Variants in UGT2B11 observed in about 807,000 individuals in gnomAD.
The protein encoded by UGT2B11 is UDP-glucuronosyltransferase 2B11.
A neutral mutation model predicts 51.7 loss-of-function variants in UGT2B11; 49 were observed. The observed-to-expected ratio is 0.95, with a 90% confidence interval of 0.75 to 1.20. The LOEUF (loss-of-function observed/expected upper bound fraction) is 1.20, where lower values mean the gene tolerates loss of function less well. Among genes scored for constraint, UGT2B11 ranks in the 50% most tolerant of loss-of-function variants. The probability of loss-of-function intolerance (pLI) is 0.00; values close to 1 mark genes in which losing one functional copy is unlikely to be tolerated. For synonymous variants in UGT2B11, 273 were observed against 209.0 expected (o/e 1.31, Z -2.64); for missense variants, 810 against 622.1 (o/e 1.30, Z -3.21).
In UGT2B11 at chr4:69,214,607, A is replaced by G. The variant is rs1481348330; in HGVS notation, c.116T>C (p.Met39Thr). The G allele has an allele frequency of 2.5e-6, 4 of 1,613,292 alleles. No homozygotes were observed. The highest frequency in any genetic ancestry group is 3.4e-6 in the Non-Finnish European group (4 of 1,179,436). Residue 39 changes from methionine to threonine, a missense_variant, in exon 1 of 6, where the codon ATG becomes ACG. By Grantham distance (81) the Met-to-Thr change is moderately conservative (BLOSUM62 -1). Coordinates refer to ENST00000446444, the MANE Select transcript of UGT2B11 (RefSeq NM_001073.3). ...WAAEYSHWMNMKTILKELVQR... is the reference protein window; with the variant it reads ...WAAEYSHWMNTKTILKELVQR... Reference sequence around the variant, plus strand: ...AACAAGCTCTTTCAGGATTGTCTTCATATTCATCCAATGGCTGTATTCTGC... The same window carrying G: ...AACAAGCTCTTTCAGGATTGTCTTCGTATTCATCCAATGGCTGTATTCTGC...
At position 69,203,546 on chromosome 4, in the gene UGT2B11, C is replaced by T. The variant is rs201338622; in HGVS notation, c.1310+884G>A. Among the ~76,000 whole-genome samples, 15 of 151,726 alleles carry T rather than the reference C, an allele frequency of 9.9e-5. No individual in the cohort carries two copies. In the East Asian group the frequency reaches 2.9e-3, roughly 30 times the overall value. On this transcript the variant is annotated intron_variant, in intron 5 of 5. Coordinates refer to ENST00000446444, the MANE Select transcript of UGT2B11 (RefSeq NM_001073.3). ...CATATTTATGCAAAAACAAGTATAG[C>T]AATATTCCTAGTAGCCACAATTGGA...
upstream of UGT2B11, chr4:69,216,400 G>A (rs944630017): frequency 2.0e-5 from 3 of 151,954 alleles, no homozygotes; most frequent in Non-Finnish European, 4.4e-5. Flanking sequence ...TTCCTTCTGA[G>A]TAAAAGATGT....
chr4:69,204,455 G>A lies in UGT2B11; in HGVS notation c.1285C>T (p.Leu429=), dbSNP rs1450330698. 6 of 1,611,792 alleles carry A rather than the reference G, an allele frequency of 3.7e-6. No individual in the cohort carries two copies. The highest frequency in any genetic ancestry group is 4.2e-6 in the Non-Finnish European group (5 of 1,178,618). Reference sequence around the variant, plus strand: ...AAAGGATCATTAATTACTGTCTTCAGTGCATTCAGCAGGTCTGTACTCGAC... The same window carrying A: ...AAAGGATCATTAATTACTGTCTTCAATGCATTCAGCAGGTCTGTACTCGAC... ...TMSSTDLLNA[L]KTVINDPLYK... Residue 429 remains leucine (L), a synonymous_variant, in exon 5 of 6, where the codon CTG becomes TTG. Transcript: ENST00000446444.
At chr4:69,210,753 A>T (rs967389458) in intron 2 of UGT2B11, among the ~76,000 whole-genome samples, 3 of 151,588 alleles carry the variant, frequency 2.0e-5, no homozygotes, top group Non-Finnish European at 3.0e-5. Flanking sequence ...TAAAGCCCAT[A>T]CAATTTGCAT....
In UGT2B11 at chr4:69,204,537, A is replaced by G. The variant is rs150725238; in HGVS notation, c.1203T>C (p.Asp401=). ...VGIPLFFDQP[D]NIAHMKAKGA... is the part of the protein sequence containing the mutation. ...CCTTGGCCTTCATGTGAGCAATGTT[A>G]TCAGGTTGATCAAAAAACAATGGAA... Residue 401 remains aspartate (D), a synonymous_variant, in exon 5 of 6, where the codon GAT becomes GAC. Transcript: ENST00000446444. The G allele has an allele frequency of 2.9e-5, 46 of 1,612,266 alleles. No homozygotes were observed. In the African/African-American group the frequency reaches 5.3e-4, roughly 19 times the overall value.
Position 69,212,827 on chromosome 4 carries a change from A to G in UGT2B11, c.722-106T>C, listed in dbSNP as rs557201553. The G allele has an allele frequency of 1.3e-5, 15 of 1,197,166 alleles. No homozygotes were observed. In the South Asian group the frequency reaches 1.3e-4, roughly 10 times the overall value. The allele number at this position is 1,197,166 out of a possible 1,614,324, so 74.2% of individuals were successfully genotyped here. On this transcript the variant is annotated intron_variant, in intron 1 of 5. Coordinates refer to ENST00000446444, the MANE Select transcript of UGT2B11 (RefSeq NM_001073.3). ...GTAAGCAAAGATGTAGGTAAAGTTT[A>G]TGTGCTTTGAAAAATATATAAATAT...
intron 5 of UGT2B11, among the ~76,000 whole-genome samples, chr4:69,202,677 A>G (rs2109939708): frequency 6.6e-6 from 1 of 151,820 alleles, no homozygotes; most frequent in South Asian, 2.1e-4. Flanking sequence ...TTATGTCCTT[A>G]CTCATTATTT....
At chr4:69,213,216 C>G (rs1014693960) in intron 1 of UGT2B11, among the ~76,000 whole-genome samples, 1 of 151,602 alleles carries the variant, frequency 6.6e-6, no homozygotes, top group Non-Finnish European at 1.5e-5. Flanking sequence ...ACCAACTATT[C>G]ATTTGGATTT....
At chr4:69,208,552 C>A (rs1467517122) in intron 2 of UGT2B11, 70 bp from the exon 3 acceptor site, 14 of 1,563,952 alleles carry the variant, frequency 9.0e-6, no homozygotes, top group East Asian at 2.3e-5. Flanking sequence ...GAATTGGTAC[C>A]AAATATTAAA....
At chr4:69,205,815 C>T (rs1246141749) in intron 3 of UGT2B11, 2 of 382,260 alleles carry the variant, frequency 5.2e-6, no homozygotes, top group African/African-American at 2.1e-5. Context: ...TTCAAATATT[C>T]AAAAAATTGT....
At chr4:69,212,056 T>C (rs185991895) in intron 2 of UGT2B11, among the ~76,000 whole-genome samples, 4 of 151,708 alleles carry the variant, frequency 2.6e-5, no homozygotes, top group African/African-American at 9.6e-5. Context: ...TTTTTAGCCC[T>C]CATCTTACTA....
At chr4:69,210,068 C>T (rs1257055458) in intron 2 of UGT2B11, among the ~76,000 whole-genome samples, 2 of 151,328 alleles carry the variant, frequency 1.3e-5, no homozygotes, top group African/African-American at 4.8e-5. Context: ...AAATTTTAAT[C>T]TTATTGTATA....
upstream of UGT2B11, chr4:69,215,906 A>C (rs1376024550): frequency 6.6e-6 from 1 of 152,080 alleles, no homozygotes; most frequent in African/African-American, 2.4e-5. Context: ...ATAATAACTT[A>C]CCTAATACTT....
chr4:69,206,212 A>G (rs1721850367), intron 3 of UGT2B11, among the ~76,000 whole-genome samples: 1 of 151,570 alleles, frequency 6.6e-6, no homozygotes, highest in Non-Finnish European at 1.5e-5. Context: ...TAGCAAGGAC[A>G]TGCAGTCAAC....
intron 2 of UGT2B11, 147 bp downstream of exon 2, chr4:69,212,426 A>G (rs1422480588): frequency 2.6e-5 from 36 of 1,374,082 alleles, no homozygotes; most frequent in Middle Eastern, 2.6e-4. Context: ...ATTAACATAT[A>G]CATGAGTTTC....
At chr4:69,218,873 T>C (rs1577969921), upstream of UGT2B11, among the ~76,000 whole-genome samples, 1 of 152,272 alleles carries the variant, frequency 6.6e-6, no homozygotes, top group East Asian at 1.9e-4. Flanking sequence ...TCCATCTCTG[T>C]GCAATTTCTG....
At chr4:69,200,770 G>A in intron 5 of UGT2B11, 51 bp from the exon 6 acceptor site, 1 of 1,526,906 alleles carries the variant, frequency 6.5e-7, no homozygotes, top group Non-Finnish European at 8.8e-7. Context: ...TAATTTGCCT[G>A]TACATATCAA....
At chr4:69,200,989 T>C (rs1043281509) in intron 5 of UGT2B11, among the ~76,000 whole-genome samples, 2 of 148,680 alleles carry the variant, frequency 1.3e-5, no homozygotes, top group Non-Finnish European at 1.5e-5. Context: ...GCATTTTAAC[T>C]GGCTTTTAAT....
At chr4:69,218,490 C>A (rs1722330946), upstream of UGT2B11, among the ~76,000 whole-genome samples, 1 of 151,026 alleles carries the variant, frequency 6.6e-6, no homozygotes, top group African/African-American at 2.4e-5. Flanking sequence ...GAAATTATGA[C>A]CACAATAGAG....
Sources: allele counts gnomAD v4.1 joint callset (sites outside exome capture counted in the v4.1 genomes callset), GRCh38; gene constraint gnomAD v4.1.1; transcripts MANE v1.5; gene names NCBI Gene and HGNC (gene_info 2026-07-23, HGNC 2026-07-21).